Variants in TULP4 observed in about 807,000 individuals in gnomAD.
TULP4 encodes the protein TUB like protein 4.
Under a neutral mutation model 129.0 loss-of-function variants are expected in TULP4, and 16 were observed. The ratio of observed to expected loss-of-function variants is 0.12; its 90% CI spans 0.08 to 0.19. TULP4 has a LOEUF of 0.19. TULP4 is among the 10% of genes least tolerant of loss of function. The pLI is 1.00. For missense variants in TULP4, 1,842 were observed against 2,059.1 expected (o/e 0.89, Z 2.04); for synonymous variants, 998 against 854.0 (o/e 1.17, Z -2.94).
intron 1 of TULP4, among the ~76,000 whole-genome samples, chr6:158,366,277 C>T (rs1416363195): frequency 6.6e-6 from 1 of 152,190 alleles, no homozygotes; most frequent in Non-Finnish European, 1.5e-5. Flanking sequence ...AAGTGGACTT[C>T]TTTGTCCCCC....
At chr6:158,245,159 A>AT (rs76155193) in intron 1 of TULP4, among the ~76,000 whole-genome samples, 24,735 of 136,340 alleles carry the variant, frequency 0.18, 2,397 homozygotes, top group Middle Eastern at 0.26. Flanking sequence ...GGTCAATTAA[A>AT]TTTTTTTTTT....
intron 1 of TULP4, among the ~76,000 whole-genome samples, chr6:158,323,726 A>T (rs900036881): frequency 1.3e-5 from 2 of 152,230 alleles, no homozygotes; most frequent in East Asian, 3.8e-4. Context: ...ATGTTTGTGG[A>T]TTCAGTGATC....
chr6:158,466,631 T>C (rs1250640181), intron 6 of TULP4, among the ~76,000 whole-genome samples: 1 of 152,254 alleles, frequency 6.6e-6, no homozygotes, highest in Non-Finnish European at 1.5e-5. Flanking sequence ...TTCACTCATT[T>C]GTTCAAGCAT....
intron 1 of TULP4, among the ~76,000 whole-genome samples, chr6:158,390,971 G>T (rs1286784043): frequency 6.6e-6 from 1 of 152,280 alleles, no homozygotes; most frequent in African/African-American, 2.4e-5. Context: ...CTGTAGTCTG[G>T]AAGGCTGAGG....
At chr6:158,268,266 C>T (rs1470665451) in intron 1 of TULP4, among the ~76,000 whole-genome samples, 1 of 151,794 alleles carries the variant, frequency 6.6e-6, no homozygotes, top group Non-Finnish European at 1.5e-5. Context: ...CTTGAACTCC[C>T]AACCCCAGGT....
intron 1 of TULP4, among the ~76,000 whole-genome samples, chr6:158,289,620 G>T (rs1296360877): frequency 6.6e-6 from 1 of 152,022 alleles, no homozygotes; most frequent in African/African-American, 2.4e-5. Context: ...TCATTTTGTG[G>T]TCCAGGCTGG....
chr6:158,322,890 T>C (rs913759395), intron 1 of TULP4, among the ~76,000 whole-genome samples: 1 of 152,208 alleles, frequency 6.6e-6, no homozygotes, highest in South Asian at 2.1e-4. Context: ...GTTCAAAGAA[T>C]GAAGAATGAG....
At position 158,461,511 on chromosome 6, in the gene TULP4, G is replaced by A. The variant is rs376979935; in HGVS notation, c.860-52G>A. Reference sequence around the variant, plus strand: ...CTGAAGACAGTAGGCTTGCTGAGTGGCAGTTTGAGGAGGGCTGTGTCCTTG... The same window carrying A: ...CTGAAGACAGTAGGCTTGCTGAGTGACAGTTTGAGGAGGGCTGTGTCCTTG... On this transcript the variant is annotated intron_variant, in intron 5 of 13. Transcript: ENST00000367097. 10 of 1,565,222 alleles carry A rather than the reference G, an allele frequency of 6.4e-6. No homozygotes were observed. In the South Asian group the frequency reaches 8.3e-5, roughly 13 times the overall value.
rs920023647 is a variant in TULP4 at position 158,452,277 on chromosome 6, T to A, written c.859+9T>A. On this transcript the variant is annotated intron_variant, in intron 5 of 13. Coordinates refer to ENST00000367097, the MANE Select transcript of TULP4 (RefSeq NM_020245.5). ...CCGCTCAGGGCTGAAAGGTACAGAATGCTGCACACACCCCAAACCTGCAGA... is the reference window on the plus strand; with the variant it reads ...CCGCTCAGGGCTGAAAGGTACAGAAAGCTGCACACACCCCAAACCTGCAGA... The A allele has an allele frequency of 2.1e-5, 34 of 1,613,660 alleles. No individual in the cohort carries two copies. Among genetic ancestry groups the A allele is most frequent in the Non-Finnish European group, 2.5e-5 (30 of 1,179,846 alleles).
At chr6:158,461,794 T>G in intron 6 of TULP4, 65 bp downstream of exon 6, 1 of 1,503,560 alleles carries the variant, frequency 6.7e-7, no homozygotes, top group South Asian at 1.3e-5. Flanking sequence ...TTATTATAAT[T>G]ATTGTTGACA....
chr6:158,306,589 T>G (rs999608601), intron 1 of TULP4, among the ~76,000 whole-genome samples: 1 of 152,228 alleles, frequency 6.6e-6, no homozygotes, highest in Non-Finnish European at 1.5e-5. Flanking sequence ...TAGATAGATT[T>G]ACATTTTAGA....
intron 2 of TULP4, among the ~76,000 whole-genome samples, chr6:158,424,446 C>T (rs886554516): frequency 2.6e-5 from 4 of 152,082 alleles, no homozygotes; most frequent in Admixed American, 2.6e-4. Flanking sequence ...AACAGGGTTT[C>T]ACCATGTTGG....
Position 158,504,194 on chromosome 6 carries a change from A to G in TULP4, c.4515+16A>G. On this transcript the variant is annotated intron_variant, in intron 13 of 13. Transcript: ENST00000367097. ...GGGGCGGCAGGTAAGACCTCAGACC[A>G]GGTGGCGCTGCGAGCCCAGGAGGCG... 1 of 1,533,064 alleles carries G rather than the reference A, an allele frequency of 6.5e-7. No individual in the cohort carries two copies. Among genetic ancestry groups the G allele is most frequent in the Non-Finnish European group, 8.8e-7 (1 of 1,136,124 alleles). 95.0% of individuals were successfully genotyped at this position (1,533,064 alleles called of 1,614,324 possible). A position where few individuals can be genotyped will look rare whatever the true frequency, so the allele number is the denominator to read the frequency against.
intron 1 of TULP4, among the ~76,000 whole-genome samples, chr6:158,283,689 T>A (rs1778794577): frequency 1.3e-5 from 2 of 152,238 alleles, no homozygotes; most frequent in Non-Finnish European, 2.9e-5. Flanking sequence ...CTACCAGTCA[T>A]CCTTCAGAAC....
intron 1 of TULP4, among the ~76,000 whole-genome samples, chr6:158,235,196 C>A (rs949571939): frequency 2.7e-5 from 4 of 149,266 alleles, no homozygotes; most frequent in South Asian, 2.1e-4. Context: ...AAAAAAAAAA[C>A]TTAAATTTTC....
chr6:158,484,419 G>A (rs779212606), intron 8 of TULP4, among the ~76,000 whole-genome samples: 20 of 151,948 alleles, frequency 1.3e-4, no homozygotes, highest in Non-Finnish European at 2.8e-4. Flanking sequence ...CAAAGTGCTG[G>A]GATTTACAGA....
rs1469886416 is a variant in TULP4 at position 158,463,662 on chromosome 6, AT to A, written c.1026+1934del. The stretch of plus-strand genomic sequence containing the variant: ...AAGTATAATAAAAATATATATATAT[AT>A]ATATAAAAAGAAAAAATAAATGGAA... On this transcript the variant is annotated intron_variant, in intron 6 of 13. Coordinates refer to ENST00000367097, the MANE Select transcript of TULP4 (RefSeq NM_020245.5). Among the ~76,000 whole-genome samples the A allele has an allele frequency of 3.0e-3, 436 of 146,568 alleles. 2 individuals carry two copies. Among genetic ancestry groups the A allele is most frequent in the Admixed American group, 0.013 (196 of 14,650 alleles).
upstream of TULP4, among the ~76,000 whole-genome samples, chr6:158,280,145 T>C (rs117389710): frequency 7.6e-4 from 115 of 152,284 alleles, 1 homozygote; most frequent in East Asian, 0.022. Flanking sequence ...TGGGCCTCAG[T>C]ATGAATTTTA....
chr6:158,351,964 C>T (rs1390524705), intron 1 of TULP4, among the ~76,000 whole-genome samples: 5 of 152,010 alleles, frequency 3.3e-5, no homozygotes, highest in African/African-American at 7.2e-5. Flanking sequence ...TCAGATGATG[C>T]GTCTGCCTTG....
Sources: allele counts gnomAD v4.1 joint callset (sites outside exome capture counted in the v4.1 genomes callset), GRCh38; gene constraint gnomAD v4.1.1; transcripts MANE v1.5; gene names NCBI Gene and HGNC (gene_info 2026-07-23, HGNC 2026-07-21).